The following CHRM3 variants were observed in gnomAD, a reference collection of about 807,000 sequenced individuals.
The protein encoded by CHRM3 is muscarinic acetylcholine receptor M3.
Under a neutral mutation model 41.8 loss-of-function variants are expected in CHRM3, and 11 were observed. The ratio of observed to expected loss-of-function variants is 0.26; its 90% CI spans 0.17 to 0.44. The LOEUF is 0.44. Ranked by LOEUF, CHRM3 falls within the 20% of genes least tolerant of loss-of-function variation. CHRM3 has a pLI of 1.00. For synonymous variants in CHRM3, 297 were observed against 301.4 expected, an observed-to-expected ratio of 0.99 and a Z score of 0.15; for missense variants, 571 against 745.4, an observed-to-expected ratio of 0.77 and a Z score of 2.72.
At chr1:239,767,419 C>T (rs1265682681) in intron 5 of CHRM3, among the ~76,000 whole-genome samples, 1 of 152,084 alleles carries the variant, frequency 6.6e-6, no homozygotes, top group Non-Finnish European at 1.5e-5. Context: ...AAAACATCTT[C>T]CTATTCCTCT....
At chr1:239,772,584 G>T (rs1353646164) in intron 5 of CHRM3, among the ~76,000 whole-genome samples, 1 of 152,126 alleles carries the variant, frequency 6.6e-6, no homozygotes, top group South Asian at 2.1e-4. Context: ...ATTGTTCTAC[G>T]TTGTCTACAG....
chr1:239,450,303 A>T (rs889557535), intron 1 of CHRM3, among the ~76,000 whole-genome samples: 1 of 152,248 alleles, frequency 6.6e-6, no homozygotes, highest in African/African-American at 2.4e-5. Flanking sequence ...GATAAATATC[A>T]TTAGCATTTT....
Position 239,443,514 on chromosome 1 carries a change from C to G in CHRM3, c.-520-49195C>G, listed in dbSNP as rs539673495. Among the ~76,000 whole-genome samples, 34 of 152,224 alleles carry G rather than the reference C, an allele frequency of 2.2e-4. No individual in the cohort carries two copies. In the South Asian group the frequency reaches 7.1e-3, roughly 32 times the overall value. ...GAAGTTGAAACTGCAGAGATCACATCAAAGTGTCTGTGAAGAAAAACTGCT... is the reference window on the plus strand; with the variant it reads ...GAAGTTGAAACTGCAGAGATCACATGAAAGTGTCTGTGAAGAAAAACTGCT... On this transcript the variant is annotated intron_variant, in intron 1 of 6. Transcript: ENST00000676153.
intron 5 of CHRM3, among the ~76,000 whole-genome samples, chr1:239,737,069 A>T (rs933111126): frequency 2.0e-5 from 3 of 152,176 alleles, no homozygotes; most frequent in Admixed American, 2.0e-4. Context: ...AAGTAAGTAT[A>T]CATGTGACTT....
intron 1 of CHRM3, among the ~76,000 whole-genome samples, chr1:239,492,089 A>G (rs1667589026): frequency 6.6e-6 from 1 of 152,222 alleles, no homozygotes; most frequent in South Asian, 2.1e-4. Context: ...AAGATGTCAA[A>G]TAACTTGTGG....
At chr1:239,802,010 A>C (rs1111249) in intron 5 of CHRM3, among the ~76,000 whole-genome samples, 1 of 151,992 alleles carries the variant, frequency 6.6e-6, no homozygotes, top group Admixed American at 6.5e-5. Context: ...TGGCAGGCCA[A>C]TTTCTCTTAT....
At chr1:239,553,662 C>A (rs763507330) in intron 3 of CHRM3, among the ~76,000 whole-genome samples, 10 of 152,134 alleles carry the variant, frequency 6.6e-5, no homozygotes, top group Non-Finnish European at 1.5e-4. Context: ...TCTATCCCAT[C>A]CCGCTCCCAT....
intron 1 of CHRM3, among the ~76,000 whole-genome samples, chr1:239,451,971 AT>A (rs1664589731): frequency 6.6e-6 from 1 of 152,224 alleles, no homozygotes; most frequent in South Asian, 2.1e-4. Flanking sequence ...TGCTGTATCT[AT>A]ATTTATTCTT....
intron 5 of CHRM3, among the ~76,000 whole-genome samples, chr1:239,787,760 G>A (rs891570819): frequency 2.0e-5 from 3 of 152,110 alleles, no homozygotes; most frequent in Non-Finnish European, 4.4e-5. Flanking sequence ...CAAGTTGTCC[G>A]ATCTTAGGCA....
chr1:239,401,957 T>C (rs763005586), intron 1 of CHRM3, among the ~76,000 whole-genome samples: 12 of 152,202 alleles, frequency 7.9e-5, no homozygotes, highest in Non-Finnish European at 1.5e-4. Flanking sequence ...GCTAAGTCAC[T>C]GCCTGGAGAT....
chr1:239,701,359 G>A (rs1317236102), intron 5 of CHRM3, among the ~76,000 whole-genome samples: 3 of 152,206 alleles, frequency 2.0e-5, no homozygotes, highest in Non-Finnish European at 4.4e-5. Context: ...ACAGAGGGGT[G>A]CCCAGAGGCA....
intron 5 of CHRM3, among the ~76,000 whole-genome samples, chr1:239,783,657 T>C (rs977530130): frequency 3.3e-5 from 5 of 152,194 alleles, no homozygotes; most frequent in African/African-American, 9.6e-5. Flanking sequence ...CAAATTTAGA[T>C]ACATGTGAAT....
chr1:239,400,720 G>T (rs994703696), intron 1 of CHRM3, among the ~76,000 whole-genome samples: 1 of 152,124 alleles, frequency 6.6e-6, no homozygotes, highest in Non-Finnish European at 1.5e-5. Flanking sequence ...TTTCTTCATT[G>T]TGTGTTTTTG....
chr1:239,676,462 G>A (rs534055666), intron 4 of CHRM3, among the ~76,000 whole-genome samples: 2 of 152,284 alleles, frequency 1.3e-5, no homozygotes, highest in East Asian at 1.9e-4. Context: ...GAAACAGGAA[G>A]GGTGAGATTG....
At chr1:239,899,770 G>A (rs1679364265) in intron 6 of CHRM3, 1 of 152,252 alleles carries the variant, frequency 6.6e-6, no homozygotes. Flanking sequence ...CCACGTGCAG[G>A]ATCTTGCGCA....
chr1:239,687,714 A>C (rs977200834), intron 5 of CHRM3, among the ~76,000 whole-genome samples: 1 of 152,168 alleles, frequency 6.6e-6, no homozygotes, highest in African/African-American at 2.4e-5. Flanking sequence ...CTCCCATAAC[A>C]TAATAACTAC....
In CHRM3 at chr1:239,908,699, T is replaced by G; in HGVS notation, c.1248T>G (p.Asp416Glu). 6.2e-7 allele frequency: 1 copy of G among 1,613,098 alleles called. No individual in the cohort carries two copies. Among genetic ancestry groups the G allele is most frequent in the South Asian group, 1.1e-5 (1 of 90,810 alleles). Residue 416 changes from aspartate (D) to glutamate (E), a missense_variant, in exon 7 of 7, where the codon GAT becomes GAG. Around this residue, in one of 5 missense-constraint regions of CHRM3, gnomAD observed 239 missense variants for 239.6 expected, o/e 1.00. Transcript: ENST00000676153. The surrounding 1 kb of genome is among the most constrained non-coding windows in gnomAD (Gnocchi z 7.2). The part of the protein sequence containing the change: ...DKLQAQKSVD[D>E]GGSFPKSFSK... ...TGCAGGCCCAGAAGAGCGTGGACGA[T>G]GGAGGCAGTTTTCCAAAAAGCTTCT...
At chr1:239,797,178 C>A (rs1669846254) in intron 5 of CHRM3, among the ~76,000 whole-genome samples, 1 of 151,932 alleles carries the variant, frequency 6.6e-6, no homozygotes, top group African/African-American at 2.4e-5. Context: ...AAGATGAGAA[C>A]AATAGACACT....
chr1:239,638,815 GTT>G (rs1408092711), intron 4 of CHRM3, among the ~76,000 whole-genome samples: 1 of 152,140 alleles, frequency 6.6e-6, no homozygotes, highest in African/African-American at 2.4e-5. Flanking sequence ...TGCTTTTGGT[GTT>G]TTAGACATGA....
Sources: allele counts gnomAD v4.1 joint callset (sites outside exome capture counted in the v4.1 genomes callset), GRCh38; gene constraint gnomAD v4.1.1; regional missense constraint gnomAD v4.1.1; non-coding constraint Gnocchi (gnomAD v3.1); transcripts MANE v1.5; gene names NCBI Gene and HGNC (gene_info 2026-07-23, HGNC 2026-07-21).